The following SCYL2 variants were observed in gnomAD, a reference collection of about 807,000 sequenced individuals.
SCYL2 encodes SCY1 like pseudokinase 2.
Under a neutral mutation model 100.4 loss-of-function variants are expected in SCYL2, and 36 were observed. That is an observed-to-expected ratio of 0.36 (90% CI 0.27 to 0.47). The LOEUF (loss-of-function observed/expected upper bound fraction) is 0.47. Ranked by LOEUF, SCYL2 falls within the 20% of genes least tolerant of loss-of-function variation. The probability of loss-of-function intolerance (pLI) is 1.00; values close to 1 mark genes in which losing one functional copy is unlikely to be tolerated. For synonymous variants in SCYL2, 330 were observed against 359.2 expected (o/e 0.92, Z 0.92); for missense variants, 902 against 1,083.9 (o/e 0.83, Z 2.36).
At chr12:100,294,563 G>T (rs1231730667) in intron 3 of SCYL2, among the ~76,000 whole-genome samples, 3 of 142,124 alleles carry the variant, frequency 2.1e-5, no homozygotes, top group Non-Finnish European at 3.1e-5. Context: ...GCGGCTGGCC[G>T]GGCGGGGGCT....
chr12:100,313,389 A>T, intron 6 of SCYL2, 33 bp from the exon 7 acceptor site: 1 of 975,450 alleles, frequency 1.0e-6, no homozygotes, highest in Non-Finnish European at 1.6e-6. Flanking sequence ...TAAATATTTT[A>T]TACTCATTTA....
intron 4 of SCYL2, among the ~76,000 whole-genome samples, chr12:100,308,872 C>A (rs2096338137): frequency 6.6e-6 from 1 of 152,128 alleles, no homozygotes. Flanking sequence ...TCTGCTGTTA[C>A]AGGGTAGCAC....
chr12:100,292,751 C>G (rs1295968845), intron 3 of SCYL2, among the ~76,000 whole-genome samples: 1 of 152,182 alleles, frequency 6.6e-6, no homozygotes, highest in Non-Finnish European at 1.5e-5. Flanking sequence ...TTTTGTCATT[C>G]TGATTCCTGA....
rs374943363 is a variant in SCYL2 at position 100,337,501 on chromosome 12, A to G, written c.2140A>G (p.Lys714Glu). 15 of 1,613,354 alleles carry G rather than the reference A, an allele frequency of 9.3e-6. No individual in the cohort carries two copies. Among genetic ancestry groups the G allele is most frequent in the Non-Finnish European group, 1.3e-5 (15 of 1,179,486 alleles). Residue 714 changes from lysine to glutamate, a missense_variant, in exon 17 of 18, where the codon AAA (lysine) becomes GAA (glutamate). Lys to Glu is a moderately conservative substitution (Grantham distance 56). Coordinates refer to ENST00000360820, the MANE Select transcript of SCYL2 (RefSeq NM_017988.6). ...AGTGCACACACCTGTTGCTACTGTT[A>G]AACAGGTCAGAGTTCATTTCTTTTG... ...PQVHTPVATV[K>E]QTKDLTDTLM...
At chr12:100,311,282 T>G in intron 5 of SCYL2, 89 bp downstream of exon 5, 1 of 1,336,440 alleles carries the variant, frequency 7.5e-7, no homozygotes, top group Admixed American at 2.6e-5. Context: ...TGTGGTACAG[T>G]GGTATGTTTA....
At chr12:100,271,540 T>G (rs942331370) in intron 1 of SCYL2, among the ~76,000 whole-genome samples, 3 of 152,192 alleles carry the variant, frequency 2.0e-5, no homozygotes, top group Admixed American at 2.0e-4. Flanking sequence ...TTGTGCCCCT[T>G]TAAGGGATAA....
rs781752668 is a variant in SCYL2, at chr12:100,339,818, G to A, written c.*646G>A. 1.3e-5 allele frequency: 2 copies of A among 152,482 alleles called. No homozygotes were observed. The highest frequency in any genetic ancestry group is 2.9e-5 in the Non-Finnish European group (2 of 67,990). 9.4% of individuals were successfully genotyped at this position (152,482 alleles called of 1,614,324 possible). On this transcript the variant is annotated 3_prime_UTR_variant, in exon 18 of 18. Transcript: ENST00000360820. Reference sequence around the variant, plus strand: ...CCATCTTAAGTGCAAACTAATCATTGTAAATTATATTTTAGCATGGTCTGC... The same window carrying A: ...CCATCTTAAGTGCAAACTAATCATTATAAATTATATTTTAGCATGGTCTGC...
chr12:100,334,251 T>C lies in SCYL2; in HGVS notation c.1847T>C (p.Met616Thr). Residue 616 changes from methionine (M) to threonine (T), a missense_variant, in exon 14 of 18, where the codon ATG (methionine) becomes ACG (threonine). Physicochemically the swap from Met to Thr is moderately conservative, Grantham distance 81 (BLOSUM62 -1). Coordinates refer to ENST00000360820, the MANE Select transcript of SCYL2 (RefSeq NM_017988.6). ...ACTAAACTGGAGCAACTTCATATAA[T>C]GCAAGAACAGCAGAAGTAAGTAGGT... Reference protein sequence around the residue: ...HKTKLEQLHIMQEQQKSLDIG... With the variant: ...HKTKLEQLHITQEQQKSLDIG... The C allele has an allele frequency of 1.3e-6, 2 of 1,584,304 alleles. No homozygotes were observed. Among genetic ancestry groups the C allele is most frequent in the East Asian group, 4.5e-5 (2 of 44,628 alleles).
chr12:100,318,329 CTTT>C (rs1052095844), intron 10 of SCYL2, among the ~76,000 whole-genome samples: 4 of 130,968 alleles, frequency 3.1e-5, no homozygotes, highest in Non-Finnish European at 6.5e-5. Flanking sequence ...TCTTTTCTTT[CTTT>C]TTTTTTTTTT....
In SCYL2 at chr12:100,339,218, G is replaced by T; in HGVS notation, c.*46G>T. The T allele has an allele frequency of 6.4e-7, 1 of 1,554,062 alleles. No individual in the cohort carries two copies. The highest frequency in any genetic ancestry group is 8.7e-7 in the Non-Finnish European group (1 of 1,146,806). On this transcript the variant is annotated 3_prime_UTR_variant, in exon 18 of 18. Transcript: ENST00000360820. ...AAGGATTATTTCAGTTTCAATCATG[G>T]GTGAGCTGATTTACATCTTTATATA...
At chr12:100,320,438 T>C (rs1179158184) in intron 10 of SCYL2, among the ~76,000 whole-genome samples, 1 of 151,904 alleles carries the variant, frequency 6.6e-6, no homozygotes, top group Admixed American at 6.6e-5. Context: ...TCCCAGCTAC[T>C]CAGGAGGCTG....
At position 100,317,896 on chromosome 12, in the gene SCYL2, G is replaced by A. The variant is rs369328887; in HGVS notation, c.1366G>A (p.Ala456Thr). ...KNSVLPMVYR[A>T]LEAPSIQIQE... ...CAGTGTTCTACCCATGGTTTACAGA[G>A]CACTAGAAGCTCCTTCCATTCAGAT... is the stretch of plus-strand genomic sequence containing the variant. Residue 456 changes from alanine (A) to threonine (T), a missense_variant, in exon 10 of 18, where the codon GCA becomes ACA. Ala to Thr is a moderately conservative substitution (Grantham distance 58). Coordinates refer to ENST00000360820, the MANE Select transcript of SCYL2 (RefSeq NM_017988.6). 8 of 1,592,004 alleles carry A rather than the reference G, an allele frequency of 5.0e-6. No homozygotes were observed. Among genetic ancestry groups the A allele is most frequent in the Non-Finnish European group, 6.8e-6 (8 of 1,174,392 alleles).
At chr12:100,275,571 C>G (rs1027291411) in intron 1 of SCYL2, among the ~76,000 whole-genome samples, 1 of 152,130 alleles carries the variant, frequency 6.6e-6, no homozygotes, top group African/African-American at 2.4e-5. Context: ...ATTCTGATAG[C>G]TATTTTGTAG....
At chr12:100,291,352 C>T (rs1167736945) in intron 2 of SCYL2, 151 bp from the exon 3 acceptor site, 3 of 548,696 alleles carry the variant, frequency 5.5e-6, no homozygotes, top group South Asian at 3.0e-5. Flanking sequence ...TTTAGATTTA[C>T]TATCATAAGG....
At chr12:100,271,111 A>G (rs144986610) in intron 1 of SCYL2, among the ~76,000 whole-genome samples, 3 of 152,258 alleles carry the variant, frequency 2.0e-5, no homozygotes, top group African/African-American at 2.4e-5. Context: ...TGTATAGAAC[A>G]AAGAAGAGCA....
At chr12:100,319,283 G>A in intron 10 of SCYL2, 1 of 455,878 alleles carries the variant, frequency 2.2e-6, no homozygotes. Context: ...GATGAGTGGG[G>A]AAGGTGTGTC....
In SCYL2 at chr12:100,326,744, G is replaced by A. The variant is rs143806098; in HGVS notation, c.1632G>A (p.Met544Ile). 4 of 1,604,036 alleles carry A rather than the reference G, an allele frequency of 2.5e-6. No individual in the cohort carries two copies. The African/African-American group carries it at 5.4e-5, about 22-fold the overall frequency. Reference sequence around the variant, plus strand: ...CATCCAAGGAACCTGCGGTCCTCATGGGAATTTTAGGTAGCTGAAAATTTA... The same window carrying A: ...CATCCAAGGAACCTGCGGTCCTCATAGGAATTTTAGGTAGCTGAAAATTTA... ...QIPSKEPAVL[M>I]GILGIYKCTF... The change falls in exon 12 of 18, where the codon ATG (methionine) becomes ATA (isoleucine). Residue 544 changes from methionine to isoleucine, a missense_variant. Coordinates refer to ENST00000360820, the MANE Select transcript of SCYL2 (RefSeq NM_017988.6).
intron 1 of SCYL2, among the ~76,000 whole-genome samples, chr12:100,277,386 C>G (rs1024511941): frequency 1.3e-5 from 2 of 152,196 alleles, no homozygotes; most frequent in Non-Finnish European, 2.9e-5. Context: ...ATGAATTTGT[C>G]TATTTCTTCT....
In SCYL2 at chr12:100,326,760, T is replaced by G. The variant is rs1254069078; in HGVS notation, c.1642+6T>G. On this transcript the variant is annotated splice_donor_region_variant and intron_variant, in intron 12 of 17. Coordinates refer to ENST00000360820, the MANE Select transcript of SCYL2 (RefSeq NM_017988.6). ...GGTCCTCATGGGAATTTTAGGTAGC[T>G]GAAAATTTAATGTCATTTGATGCTA... 1 of 1,602,866 alleles carries G rather than the reference T, an allele frequency of 6.2e-7. No individual in the cohort carries two copies. Among genetic ancestry groups the G allele is most frequent in the South Asian group, 1.1e-5 (1 of 87,562 alleles).
Sources: allele counts gnomAD v4.1 joint callset (sites outside exome capture counted in the v4.1 genomes callset), GRCh38; gene constraint gnomAD v4.1.1; transcripts MANE v1.5; gene names NCBI Gene and HGNC (gene_info 2026-07-23, HGNC 2026-07-21).